Variants in TYR observed in about 807,000 individuals in gnomAD.
The protein encoded by TYR is tyrosinase.
TYR carries 58 observed loss-of-function variants against 51.5 expected under a neutral mutation model. That is an observed-to-expected ratio of 1.13 (90% CI 0.91 to 1.40). TYR has a LOEUF of 1.40. TYR is among the 40% of genes most tolerant of loss of function. The pLI is 0.00. For synonymous variants in TYR, 263 were observed against 235.2 expected, an observed-to-expected ratio of 1.12 and a Z score of -1.08; for missense variants, 732 against 647.4, an observed-to-expected ratio of 1.13 and a Z score of -1.42.
At chr11:89,276,497 T>C (rs1217663779) in intron 3 of TYR, among the ~76,000 whole-genome samples, 1 of 151,758 alleles carries the variant, frequency 6.6e-6, no homozygotes, top group Non-Finnish European at 1.5e-5. Flanking sequence ...ACTTTCTCTC[T>C]CTCTGCCTTT....
chr11:89,227,377 C>T (rs16913040), intron 2 of TYR, among the ~76,000 whole-genome samples: 3,824 of 152,222 alleles, frequency 0.025, 173 homozygotes, highest in African/African-American at 0.088. Context: ...TTTACGCTTT[C>T]TCTGGAACCA....
chr11:89,275,291 G>A (rs1209601133), intron 3 of TYR, among the ~76,000 whole-genome samples: 8 of 151,772 alleles, frequency 5.3e-5, no homozygotes, highest in Non-Finnish European at 1.0e-4. Context: ...CTAATGCTTG[G>A]AACAAAACAT....
intron 3 of TYR, among the ~76,000 whole-genome samples, chr11:89,245,696 G>T (rs192174042): frequency 0.018 from 2,765 of 152,260 alleles, 37 homozygotes; most frequent in Middle Eastern, 0.027. Flanking sequence ...GCCAAGGCGG[G>T]CGGATTATGA....
intron 2 of TYR, among the ~76,000 whole-genome samples, chr11:89,209,738 C>T (rs1299235268): frequency 6.6e-6 from 1 of 152,086 alleles, no homozygotes; most frequent in South Asian, 2.1e-4. Flanking sequence ...CAGGCAGGTG[C>T]CCCTCTGGGA....
chr11:89,199,463 T>C (rs1943568936), intron 2 of TYR, among the ~76,000 whole-genome samples: 1 of 152,182 alleles, frequency 6.6e-6, no homozygotes, highest in Non-Finnish European at 1.5e-5. Context: ...AAGTACTGTC[T>C]TAGGAAGATT....
chr11:89,210,841 A>G (rs1308038634), intron 2 of TYR, among the ~76,000 whole-genome samples: 1 of 152,206 alleles, frequency 6.6e-6, no homozygotes, highest in African/African-American at 2.4e-5. Context: ...TTCAACCCAG[A>G]ATTTCATATT....
chr11:89,280,286 C>T (rs1306489290), intron 3 of TYR, among the ~76,000 whole-genome samples: 1 of 151,566 alleles, frequency 6.6e-6, no homozygotes, highest in African/African-American at 2.4e-5. Flanking sequence ...TCTGGCATTC[C>T]AATTATGCAT....
In TYR at chr11:89,241,260, C is replaced by CAGGT. The variant is rs1163582186; in HGVS notation, c.1184+13290_1184+13291insAGGT. Among the ~76,000 whole-genome samples, 12 of 152,256 alleles carry CAGGT rather than the reference C, an allele frequency of 7.9e-5. No individual in the cohort carries two copies. In the East Asian group the frequency reaches 9.7e-4, roughly 12 times the overall value. ...TCATATGTTACTTCTACAGATGTGA[C>CAGGT]CTGCCTCAGGAAGAAATGTCTGCCT... On this transcript the variant is annotated intron_variant, in intron 3 of 4. Transcript: ENST00000263321.
rs181470753 is a variant in TYR at position 89,230,537 on chromosome 11, A to G, written c.1184+2567A>G. Among the ~76,000 whole-genome samples the G allele has an allele frequency of 2.0e-4, 31 of 152,232 alleles. No individual in the cohort carries two copies. The East Asian group carries it at 5.8e-3, about 28-fold the overall frequency. On this transcript the variant is annotated intron_variant, in intron 3 of 4. Transcript: ENST00000263321. ...AACACAAAAATAGACAAATAGGATT[A>G]CTTCAAACTAAAAATCTCCAAGCGA...
chr11:89,220,450 G>T lies in TYR; in HGVS notation c.1037-7373G>T, dbSNP rs559574035. The stretch of plus-strand genomic sequence containing the variant: ...CTTCCACCAGGTCCCACCTCCAAAA[G>T]TGGGGATTACATTTCAACATGACAT... On this transcript the variant is annotated intron_variant, in intron 2 of 4. Transcript: ENST00000263321. 5.5e-4 allele frequency among the ~76,000 whole-genome samples: 84 copies of T among 152,268 alleles called. 1 individual carries two copies. Among genetic ancestry groups the T allele is most frequent in the African/African-American group, 2.0e-3 (83 of 41,548 alleles).
intron 4 of TYR, among the ~76,000 whole-genome samples, chr11:89,290,105 A>C (rs1239043803): frequency 6.6e-6 from 1 of 152,082 alleles, no homozygotes; most frequent in Non-Finnish European, 1.5e-5. Context: ...ATGATAGAGC[A>C]TAAAACAAAA....
In TYR at chr11:89,284,788, G is replaced by T. The variant is rs145610977; in HGVS notation, c.1200G>T (p.Trp400Cys). 11 of 1,611,372 alleles carry T rather than the reference G, an allele frequency of 6.8e-6. No homozygotes were observed. The highest frequency in any genetic ancestry group is 2.2e-5 in the South Asian group (2 of 91,028). ...TCCTCTGCAGTATTTTTGAGCAGTG[G>T]CTCCGAAGGCACCGTCCTCTTCAAG... ...HAFVDSIFEQWLRRHRPLQEV... is the reference protein window; with the variant it reads ...HAFVDSIFEQCLRRHRPLQEV... The change falls in exon 4 of 5, where the codon TGG (tryptophan) becomes TGT (cysteine). Residue 400 changes from tryptophan to cysteine, a missense_variant. Trp to Cys is a radical substitution (Grantham distance 215). Transcript: ENST00000263321.
intron 3 of TYR, among the ~76,000 whole-genome samples, chr11:89,281,969 T>C (rs1360714838): frequency 2.0e-5 from 3 of 151,816 alleles, no homozygotes; most frequent in Non-Finnish European, 2.9e-5. Context: ...ATTATCTGAG[T>C]TAAACATTAA....
At chr11:89,253,811 CTTTA>C (rs1278536335) in intron 3 of TYR, among the ~76,000 whole-genome samples, 1 of 151,718 alleles carries the variant, frequency 6.6e-6, no homozygotes, top group African/African-American at 2.4e-5. Context: ...TTTGTATGCC[CTTTA>C]TTTATTTCTC....
At chr11:89,196,086 A>G (rs933927589) in intron 2 of TYR, among the ~76,000 whole-genome samples, 2 of 152,196 alleles carry the variant, frequency 1.3e-5, no homozygotes, top group African/African-American at 4.8e-5. Flanking sequence ...TATAAGATTC[A>G]AAGAATTAAA....
intron 2 of TYR, among the ~76,000 whole-genome samples, chr11:89,195,368 A>G (rs1943502417): frequency 6.6e-6 from 1 of 152,102 alleles, no homozygotes; most frequent in African/African-American, 2.4e-5. Flanking sequence ...AAGATGTGTA[A>G]TTTGTGAATT....
intron 3 of TYR, among the ~76,000 whole-genome samples, chr11:89,277,708 A>G (rs997212627): frequency 2.0e-5 from 3 of 151,696 alleles, no homozygotes; most frequent in African/African-American, 7.3e-5. Flanking sequence ...GCTCAGTAGC[A>G]TAAGCCAGAA....
rs115800435 is a variant in TYR at position 89,205,989 on chromosome 11, C to G, written c.1036+14571C>G. ...TAAATTATGTAAAAATAATGTAATACTTAGATAAATCACCAATAAAGTGAT... is the reference window on the plus strand; with the variant it reads ...TAAATTATGTAAAAATAATGTAATAGTTAGATAAATCACCAATAAAGTGAT... On this transcript the variant is annotated intron_variant, in intron 2 of 4. Transcript: ENST00000263321. Among the ~76,000 whole-genome samples the G allele has an allele frequency of 4.0e-3, 606 of 151,932 alleles. 3 individuals are homozygous for G. Among genetic ancestry groups the G allele is most frequent in the African/African-American group, 0.014 (579 of 41,470 alleles).
intron 3 of TYR, among the ~76,000 whole-genome samples, chr11:89,243,896 G>A (rs1944232793): frequency 6.6e-6 from 1 of 151,824 alleles, no homozygotes; most frequent in Non-Finnish European, 1.5e-5. Context: ...TTATAGAATA[G>A]GATATTTAAA....
Sources: gnomAD v4.1 joint callset for allele counts (sites outside exome capture counted in the v4.1 genomes callset) on GRCh38, gnomAD v4.1.1 for gene constraint, MANE v1.5 for transcripts, NCBI Gene and HGNC (gene_info 2026-07-23, HGNC 2026-07-21) for gene names.